The following KIF13A variants were observed in gnomAD, a reference collection of about 807,000 sequenced individuals.
The protein encoded by KIF13A is kinesin family member 13A.
KIF13A carries 79 observed loss-of-function variants against 212.2 expected under a neutral mutation model. The ratio of observed to expected loss-of-function variants is 0.37; its 90% CI spans 0.31 to 0.45. KIF13A has a LOEUF of 0.45. Ranked by LOEUF, KIF13A falls within the 20% of genes least tolerant of loss-of-function variation. KIF13A has a pLI of 1.00. For synonymous variants in KIF13A, 789 were observed against 808.6 expected (o/e 0.98, Z 0.41); for missense variants, 1,901 against 2,209.0 (o/e 0.86, Z 2.79).
chr6:17,958,082 A>C (rs1444001711), intron 2 of KIF13A, among the ~76,000 whole-genome samples: 1 of 152,222 alleles, frequency 6.6e-6, no homozygotes, highest in Non-Finnish European at 1.5e-5. Flanking sequence ...ATAAACTGAC[A>C]CAGAAATAAA....
intron 32 of KIF13A, 24 bp downstream of exon 32, chr6:17,779,568 G>T: frequency 2.8e-6 from 3 of 1,062,766 alleles, no homozygotes; most frequent in South Asian, 1.4e-5. Flanking sequence ...CACTGCGCCC[G>T]GCCTAAAGTA....
In KIF13A at chr6:17,831,162, C is replaced by A. The variant is rs769743376; in HGVS notation, c.1340G>T (p.Cys447Phe). 4 of 1,613,620 alleles carry A rather than the reference C, an allele frequency of 2.5e-6. No homozygotes were observed. In the South Asian group the frequency reaches 4.4e-5, roughly 18 times the overall value. Residue 447 changes from cysteine to phenylalanine, a missense_variant, in exon 13 of 39, where the codon TGC (cysteine) becomes TTC (phenylalanine). Around this residue, in one of 5 missense-constraint regions of KIF13A, gnomAD observed 506 missense variants for 637.4 expected, o/e 0.79. Coordinates refer to ENST00000259711, the MANE Select transcript of KIF13A (RefSeq NM_022113.6). ...GTCTGCATTCAGATTGACTAAGTAGCATTTGTCATCCCCCACCTTGATACC... is the reference window on the plus strand; with the variant it reads ...GTCTGCATTCAGATTGACTAAGTAGAATTTGTCATCCCCCACCTTGATACC... Reference protein sequence around the residue: ...MSGIKVGDDKCYLVNLNADPA... With the variant: ...MSGIKVGDDKFYLVNLNADPA...
rs535566879 is a variant in KIF13A, at chr6:17,950,536, C to G, written c.146+36518G>C. 4 of 985,304 alleles carry G rather than the reference C, an allele frequency of 4.1e-6. No homozygotes were observed. In the South Asian group the frequency reaches 1.9e-4, roughly 46 times the overall value. 61.0% of individuals were successfully genotyped at this position (985,304 alleles called of 1,614,324 possible). Reference sequence around the variant, plus strand: ...AAGAACATGTACACAAACACACATTCCTTTCTTATACCCCATTTGTTGGAT... The same window carrying G: ...AAGAACATGTACACAAACACACATTGCTTTCTTATACCCCATTTGTTGGAT... On this transcript the variant is annotated intron_variant, in intron 2 of 38. Transcript: ENST00000259711.
intron 25 of KIF13A, among the ~76,000 whole-genome samples, chr6:17,792,990 T>C (rs1761726622): frequency 6.6e-6 from 1 of 152,178 alleles, no homozygotes; most frequent in Admixed American, 6.5e-5. Context: ...GATTTAACAG[T>C]GATTCTTCCC....
chr6:17,828,400 C>A lies in KIF13A; in HGVS notation c.1402-30G>T. On this transcript the variant is annotated intron_variant, in intron 13 of 38. Transcript: ENST00000259711. This position sits in a 1 kb window ranked among gnomAD's most constrained non-coding sequence, Gnocchi z 4.3. ...TAAAAGATTATTAAGGAAAGAAAAA[C>A]CCACATTTATGAGTAACTCAGCAAA... is the stretch of plus-strand genomic sequence containing the variant. 2 of 1,594,562 alleles carry A rather than the reference C, an allele frequency of 1.3e-6. No homozygotes were observed. The highest frequency in any genetic ancestry group is 4.5e-5 in the East Asian group (2 of 44,594).
In KIF13A at chr6:17,906,900, A is replaced by C. The variant is rs545137516; in HGVS notation, c.147-8720T>G. On this transcript the variant is annotated intron_variant, in intron 2 of 38. Transcript: ENST00000259711. The stretch of plus-strand genomic sequence containing the variant: ...TGGGAGAAAACGGCAGAGGTAAGAC[A>C]CTCATGGTCTGGATACAATTCAAGA... 5.9e-5 allele frequency among the ~76,000 whole-genome samples: 9 copies of C among 152,222 alleles called. No individual in the cohort carries two copies. The East Asian group carries it at 1.7e-3, about 30-fold the overall frequency.
chr6:17,855,380 G>A lies in KIF13A; in HGVS notation c.494+57C>T. 1 of 1,303,030 alleles carries A rather than the reference G, an allele frequency of 7.7e-7. No individual in the cohort carries two copies. Among genetic ancestry groups the A allele is most frequent in the South Asian group, 1.4e-5 (1 of 70,994 alleles). The allele number at this position is 1,303,030 out of a possible 1,614,324, so 80.7% of individuals were successfully genotyped here. On this transcript the variant is annotated intron_variant, in intron 6 of 38. Coordinates refer to ENST00000259711, the MANE Select transcript of KIF13A (RefSeq NM_022113.6). The surrounding 1 kb of genome is among the most constrained non-coding windows in gnomAD (Gnocchi z 4.1). The stretch of plus-strand genomic sequence containing the variant: ...ATATTCACTTCCAATTTTAACTTTA[G>A]AATCATTTAAAATTATCTCCCCCTA...
chr6:17,927,214 A>G (rs149103162), intron 2 of KIF13A, among the ~76,000 whole-genome samples: 52 of 152,332 alleles, frequency 3.4e-4, no homozygotes, highest in African/African-American at 1.2e-3. Context: ...ATATTTGCAT[A>G]CCAGTATTCA....
Position 17,961,203 on chromosome 6 carries a change from AC to A in KIF13A, c.146+25850del, listed in dbSNP as rs1360587919. 7.3e-5 allele frequency among the ~76,000 whole-genome samples: 11 copies of A among 151,320 alleles called. No homozygotes were observed. Among genetic ancestry groups the A allele is most frequent in the Non-Finnish European group, 1.6e-4 (11 of 67,502 alleles). ...AAGAGCACTTCAAACTGGAGAAAAT[AC>A]GGAAGTGGAAACTGGGATGTGCAGC... is the stretch of plus-strand genomic sequence containing the variant. On this transcript the variant is annotated intron_variant, in intron 2 of 38. Transcript: ENST00000259711. The surrounding 1 kb of genome is among the most constrained non-coding windows in gnomAD (Gnocchi z 4.1).
In KIF13A at chr6:17,897,501, C is replaced by T. The variant is rs1269221347; in HGVS notation, c.159+667G>A. Among the ~76,000 whole-genome samples the T allele has an allele frequency of 1.3e-5, 2 of 152,090 alleles. No homozygotes were observed. The highest frequency in any genetic ancestry group is 2.9e-5 in the Non-Finnish European group (2 of 68,026). ...TTCAGATTCCTTACTTCTCATATTC[C>T]CCCACTTCCCTCCTCTAACTATTCT... On this transcript the variant is annotated intron_variant, in intron 3 of 38. Coordinates refer to ENST00000259711, the MANE Select transcript of KIF13A (RefSeq NM_022113.6). This position sits in a 1 kb window ranked among gnomAD's most constrained non-coding sequence, Gnocchi z 4.8.
chr6:17,969,384 G>C (rs935971794), intron 2 of KIF13A, among the ~76,000 whole-genome samples: 1 of 152,170 alleles, frequency 6.6e-6, no homozygotes, highest in Non-Finnish European at 1.5e-5. Context: ...CTCACTAAAT[G>C]TTTGTTGTAC....
At position 17,926,008 on chromosome 6, in the gene KIF13A, C is replaced by T. The variant is rs1253375044; in HGVS notation, c.147-27828G>A. ...AACTCTTAAAGAGAATCTGCTGTGC[C>T]CACAGCACCAGAAGAGGCAGCTGTA... is the stretch of plus-strand genomic sequence containing the variant. On this transcript the variant is annotated intron_variant, in intron 2 of 38. Coordinates refer to ENST00000259711, the MANE Select transcript of KIF13A (RefSeq NM_022113.6). The surrounding 1 kb of genome is among the most constrained non-coding windows in gnomAD (Gnocchi z 4.3). Among the ~76,000 whole-genome samples, 1 of 152,094 alleles carries T rather than the reference C, an allele frequency of 6.6e-6. No homozygotes were observed. The highest frequency in any genetic ancestry group is 1.5e-5 in the Non-Finnish European group (1 of 68,022).
chr6:17,966,448 T>C (rs1779314513), intron 2 of KIF13A, among the ~76,000 whole-genome samples: 1 of 149,454 alleles, frequency 6.7e-6, no homozygotes, highest in South Asian at 2.1e-4. Flanking sequence ...TCTGAATTTT[T>C]TTTTTTTTTT....
chr6:17,812,769 GATTGA>G (rs565954524), intron 17 of KIF13A, among the ~76,000 whole-genome samples: 19 of 152,300 alleles, frequency 1.2e-4, no homozygotes, highest in Middle Eastern at 3.4e-3. Flanking sequence ...TTTCCACAAT[GATTGA>G]ATTAATTTAC....
chr6:17,856,164 AT>A lies in KIF13A; in HGVS notation c.221-43del. 7.5e-7 allele frequency: 1 copy of A among 1,328,506 alleles called. No homozygotes were observed. Among genetic ancestry groups the A allele is most frequent in the Non-Finnish European group, 1.1e-6 (1 of 937,020 alleles). 82.3% of individuals were successfully genotyped at this position (1,328,506 alleles called of 1,614,324 possible). A position where few individuals can be genotyped will look rare whatever the true frequency, so the allele number is the denominator to read the frequency against. ...ATATTAAAAACTAATAAAAAGAATAATTTTTCTTGACATATTTGTGTTAGTA... is the reference window on the plus strand; with the variant it reads ...ATATTAAAAACTAATAAAAAGAATAATTTTCTTGACATATTTGTGTTAGTA... On this transcript the variant is annotated intron_variant, in intron 4 of 38. Coordinates refer to ENST00000259711, the MANE Select transcript of KIF13A (RefSeq NM_022113.6). The surrounding 1 kb of genome is among the most constrained non-coding windows in gnomAD (Gnocchi z 4.5).
chr6:17,804,496 G>A lies in KIF13A; in HGVS notation c.2319C>T (p.Tyr773=), dbSNP rs971804467. ...KEKVPEAKRL[Y]GKRGDPFYEA... ...CATAGAAAGGGTCACCTCGTTTTCC[G>A]TAGAGTCTCTTTGCCTGAGAAGTAG... Residue 773 remains tyrosine, a synonymous_variant, in exon 20 of 39, where the codon TAC becomes TAT. Transcript: ENST00000259711. 11 of 1,598,036 alleles carry A rather than the reference G, an allele frequency of 6.9e-6. No individual in the cohort carries two copies. Among genetic ancestry groups the A allele is most frequent in the African/African-American group, 4.0e-5 (3 of 74,568 alleles).
chr6:17,836,091 C>T (rs539196182), intron 11 of KIF13A, among the ~76,000 whole-genome samples: 41 of 152,226 alleles, frequency 2.7e-4, no homozygotes, highest in Admixed American at 1.8e-3. Flanking sequence ...AAAAGCAACA[C>T]CTATTTAGAA....
intron 9 of KIF13A, among the ~76,000 whole-genome samples, chr6:17,844,549 A>T (rs1283112044): frequency 6.6e-6 from 1 of 152,194 alleles, no homozygotes. Flanking sequence ...AAGGTTTTAT[A>T]ATTATTCTTT....
At chr6:17,813,130 G>A (rs1763580368) in intron 17 of KIF13A, among the ~76,000 whole-genome samples, 1 of 152,158 alleles carries the variant, frequency 6.6e-6, no homozygotes, top group African/African-American at 2.4e-5. Context: ...CAGCTCTTCA[G>A]AAAAAGGACC....
Sources: allele counts gnomAD v4.1 joint callset (sites outside exome capture counted in the v4.1 genomes callset), GRCh38; gene constraint gnomAD v4.1.1; regional missense constraint gnomAD v4.1.1; non-coding constraint Gnocchi (gnomAD v3.1); transcripts MANE v1.5; gene names NCBI Gene and HGNC (gene_info 2026-07-23, HGNC 2026-07-21).